Variants in SERPINB12 observed in about 807,000 individuals in gnomAD.
SERPINB12 encodes the protein serpin B12.
SERPINB12 carries 57 observed loss-of-function variants against 41.1 expected under a neutral mutation model. That is an observed-to-expected ratio of 1.39 (90% CI 1.12 to 1.73). The LOEUF is 1.73. SERPINB12 is among the 40% of genes most tolerant of loss of function. The pLI, the probability that SERPINB12 is intolerant of heterozygous loss-of-function variation, is 0.00. For missense variants in SERPINB12, 536 were observed against 501.9 expected (o/e 1.07, Z -0.65); for synonymous variants, 180 against 181.3 (o/e 0.99, Z 0.06).
At chr18:63,534,985 T>C in the SERPINB12 span, among the ~76,000 whole-genome samples, 5 of 152,142 alleles carry the variant, frequency 3.3e-5, no homozygotes, top group Non-Finnish European at 5.9e-5. Flanking sequence ...GAAGAATATT[T>C]TTCTTAAAAT....
At chr18:63,538,500 A>G (rs1244285005), upstream of SERPINB12, among the ~76,000 whole-genome samples, 3 of 152,148 alleles carry the variant, frequency 2.0e-5, no homozygotes, top group African/African-American at 7.2e-5. Flanking sequence ...AGGTTCATGT[A>G]TGTTGTAGCA....
chr18:63,543,224 C>T (rs1483807839), intron 1 of SERPINB12, among the ~76,000 whole-genome samples: 1 of 152,130 alleles, frequency 6.6e-6, no homozygotes, highest in Non-Finnish European at 1.5e-5. Flanking sequence ...TATCTAAATG[C>T]AGGTCATCTA....
chr18:63,551,802 T>C (rs557552743), intron 1 of SERPINB12, among the ~76,000 whole-genome samples: 13 of 152,374 alleles, frequency 8.5e-5, no homozygotes, highest in Admixed American at 2.0e-4. Context: ...AAAGTGGTCC[T>C]ATTTTGAATC....
Position 63,569,161 on chromosome 18 carries a change from T to C in SERPINB12, c.*2150T>C, listed in dbSNP as rs1467183208. Among the ~76,000 whole-genome samples the C allele has an allele frequency of 6.6e-6, 1 of 152,056 alleles. No homozygotes were observed. Among genetic ancestry groups the C allele is most frequent in the African/African-American group, 2.4e-5 (1 of 41,392 alleles). Reference sequence around the variant, plus strand: ...CATTTTTTTTTCATTTACATCGGGATTTCTCAGATTTTGAAGCATGAGAGG... The same window carrying C: ...CATTTTTTTTTCATTTACATCGGGACTTCTCAGATTTTGAAGCATGAGAGG... On this transcript the variant is annotated 3_prime_UTR_variant, in exon 8 of 8. Transcript: ENST00000382768.
upstream of SERPINB12, among the ~76,000 whole-genome samples, chr18:63,537,874 G>A (rs190155301): frequency 1.3e-5 from 2 of 152,238 alleles, no homozygotes; most frequent in East Asian, 3.9e-4. Flanking sequence ...GCCTGAGGGA[G>A]CACATTTGGA....
intron 1 of SERPINB12, among the ~76,000 whole-genome samples, chr18:63,544,169 C>T (rs1445270016): frequency 3.9e-5 from 6 of 152,118 alleles, no homozygotes; most frequent in Non-Finnish European, 7.4e-5. Context: ...AGAGCAAAAG[C>T]AGCCATAGAC....
At chr18:63,561,552 G>T (rs1910911639) in intron 5 of SERPINB12, among the ~76,000 whole-genome samples, 1 of 152,136 alleles carries the variant, frequency 6.6e-6, no homozygotes, top group African/African-American at 2.4e-5. Flanking sequence ...TATATCCAAA[G>T]AAATAGAGAT....
In SERPINB12 at chr18:63,566,718, G is replaced by A. The variant is rs1911112517; in HGVS notation, c.985G>A (p.Asp329Asn). The change falls in exon 8 of 8, where the codon GAT becomes AAT. Residue 329 changes from aspartate to asparagine, a missense_variant. Asp to Asn is a conservative substitution (Grantham distance 23, BLOSUM62 1). Coordinates refer to ENST00000382768, the MANE Select transcript of SERPINB12 (RefSeq NM_001307928.2). ...FPRFTLEDSY[D>N]LNSILQDMGI... ...CCGGTTCACCCTGGAAGACAGCTAT[G>A]ATCTCAATTCCATTTTACAAGACAT... is the stretch of plus-strand genomic sequence containing the variant. 1.2e-6 allele frequency: 2 copies of A among 1,614,038 alleles called. No homozygotes were observed. Among genetic ancestry groups the A allele is most frequent in the South Asian group, 2.2e-5 (2 of 91,078 alleles).
At chr18:63,555,261 G>A (rs1304112530) in intron 1 of SERPINB12, among the ~76,000 whole-genome samples, 2 of 152,178 alleles carry the variant, frequency 1.3e-5, no homozygotes, top group Non-Finnish European at 1.5e-5. Context: ...TCAAAAGGGG[G>A]TGAGAATGTT....
chr18:63,563,908 A>T, intron 5 of SERPINB12, 70 bp from the exon 6 acceptor site: 1 of 1,332,580 alleles, frequency 7.5e-7, no homozygotes. Flanking sequence ...AAAAAAAAAA[A>T]AAAAAATTAT....
intron 5 of SERPINB12, among the ~76,000 whole-genome samples, chr18:63,562,082 T>C (rs1294837589): frequency 1.3e-5 from 2 of 152,158 alleles, no homozygotes; most frequent in Admixed American, 1.3e-4. Flanking sequence ...GCTTAGATAT[T>C]GCTGTTATTT....
intron 1 of SERPINB12, among the ~76,000 whole-genome samples, chr18:63,553,794 C>T (rs576373335): frequency 6.6e-6 from 1 of 151,994 alleles, no homozygotes; most frequent in Non-Finnish European, 1.5e-5. Context: ...GTTTTCTTTT[C>T]TTTGTTAGTA....
At chr18:63,542,793 C>T (rs146157967) in intron 1 of SERPINB12, among the ~76,000 whole-genome samples, 97 of 152,220 alleles carry the variant, frequency 6.4e-4, no homozygotes, top group African/African-American at 2.2e-3. Flanking sequence ...ACCCTTCTCC[C>T]ATCCTTCACC....
At chr18:63,524,542 A>G in the SERPINB12 span, among the ~76,000 whole-genome samples, 2 of 152,000 alleles carry the variant, frequency 1.3e-5, no homozygotes, top group South Asian at 2.1e-4. Context: ...CACCCGCTTC[A>G]GCCTCCTAAA....
At chr18:63,551,552 C>A (rs1910531589) in intron 1 of SERPINB12, among the ~76,000 whole-genome samples, 1 of 151,922 alleles carries the variant, frequency 6.6e-6, no homozygotes, top group Non-Finnish European at 1.5e-5. Context: ...TGTATGATTT[C>A]TTTTACTCAA....
At chr18:63,562,032 A>G (rs1252463164) in intron 5 of SERPINB12, among the ~76,000 whole-genome samples, 1 of 152,140 alleles carries the variant, frequency 6.6e-6, no homozygotes, top group East Asian at 1.9e-4. Flanking sequence ...AAAAAACAAA[A>G]CAAAAAAGCA....
At chr18:63,544,535 C>T (rs117615799) in intron 1 of SERPINB12, among the ~76,000 whole-genome samples, 1 of 152,260 alleles carries the variant, frequency 6.6e-6, no homozygotes, top group East Asian at 1.9e-4. Context: ...CCTGCTTCTT[C>T]TGATTGCAAG....
the SERPINB12 span, among the ~76,000 whole-genome samples, chr18:63,537,223 G>C: frequency 6.6e-6 from 1 of 152,190 alleles, no homozygotes; most frequent in African/African-American, 2.4e-5. Flanking sequence ...GCCCTGTAAA[G>C]AAGTGGCCTG....
intron 5 of SERPINB12, 25 bp from the exon 6 acceptor site, chr18:63,563,953 G>T: frequency 6.3e-7 from 1 of 1,588,668 alleles, no homozygotes; most frequent in South Asian, 1.2e-5. Context: ...TCATACTCAG[G>T]ATATTCTCTG....
Sources: gnomAD v4.1 joint callset for allele counts (sites outside exome capture counted in the v4.1 genomes callset) on GRCh38, gnomAD v4.1.1 for gene constraint, MANE v1.5 for transcripts, NCBI Gene and HGNC (gene_info 2026-07-23, HGNC 2026-07-21) for gene names.